Variants in SEC24B observed in about 807,000 individuals in gnomAD.
SEC24B encodes protein transport protein Sec24B.
Under a neutral mutation model 142.8 loss-of-function variants are expected in SEC24B, and 45 were observed. The ratio of observed to expected loss-of-function variants is 0.32; its 90% confidence interval spans 0.25 to 0.40. The LOEUF (loss-of-function observed/expected upper bound fraction) is 0.40. Among genes scored for constraint, SEC24B ranks in the 10% least tolerant of loss-of-function variants. The pLI is 1.00. For missense variants in SEC24B, 1,409 were observed against 1,526.8 expected (o/e 0.92, Z 1.29); for synonymous variants, 574 against 568.2 (o/e 1.01, Z -0.15).
intron 5 of SEC24B, among the ~76,000 whole-genome samples, chr4:109,491,909 T>C (rs1327913539): frequency 6.6e-6 from 1 of 152,154 alleles, no homozygotes; most frequent in Admixed American, 6.5e-5. Flanking sequence ...TACATTCAAG[T>C]ACAGGAGTAG....
At chr4:109,504,743 C>A (rs952775127) in intron 6 of SEC24B, among the ~76,000 whole-genome samples, 1 of 152,126 alleles carries the variant, frequency 6.6e-6, no homozygotes, top group Non-Finnish European at 1.5e-5. Context: ...TAAGCTTTCA[C>A]CTAGTGGCTT....
chr4:109,529,594 G>A (rs960836685), intron 18 of SEC24B, among the ~76,000 whole-genome samples: 1 of 152,138 alleles, frequency 6.6e-6, no homozygotes, highest in Non-Finnish European at 1.5e-5. Flanking sequence ...GGATCACAAG[G>A]TATAATTCAG....
intron 1 of SEC24B, chr4:109,450,750 C>CTTTTT (rs766975065): frequency 8.4e-6 from 1 of 118,598 alleles, no homozygotes. Flanking sequence ...CTGTGCAATT[C>CTTTTT]TTTTTTTTTT....
At chr4:109,536,379 T>C (rs1043983619) in intron 22 of SEC24B, among the ~76,000 whole-genome samples, 1 of 151,864 alleles carries the variant, frequency 6.6e-6, no homozygotes. Flanking sequence ...AGAAAAATAA[T>C]CTTGGGACCA....
At position 109,512,021 on chromosome 4, in the gene SEC24B, C is replaced by T; in HGVS notation, c.1841C>T (p.Pro614Leu). Reference protein sequence around the residue: ...RCRSCRTYINPFVSFIDQRRW... With the variant: ...RCRSCRTYINLFVSFIDQRRW... ...CGATCCTGTCGAACGTATATTAACC[C>T]CTTTGTATCCTTCATTGATCAACGT... Residue 614 changes from proline (P) to leucine (L), a missense_variant, in exon 9 of 24, where the codon CCC becomes CTC. Physicochemically the swap from Pro to Leu is moderately conservative, Grantham distance 98. Transcript: ENST00000265175. 1.2e-6 allele frequency: 2 copies of T among 1,612,996 alleles called. No homozygotes were observed. The highest frequency in any genetic ancestry group is 8.5e-7 in the Non-Finnish European group (1 of 1,179,054).
chr4:109,505,186 A>G (rs1649379032), intron 6 of SEC24B, among the ~76,000 whole-genome samples: 1 of 152,094 alleles, frequency 6.6e-6, no homozygotes, highest in South Asian at 2.1e-4. Flanking sequence ...CTCAAAAACC[A>G]AAAAGATTAA....
chr4:109,472,921 TTATA>T (rs1399766697), intron 2 of SEC24B, 79 bp from the exon 3 acceptor site: 3 of 386,124 alleles, frequency 7.8e-6, no homozygotes, highest in Admixed American at 5.0e-5. Flanking sequence ...ATTATATACA[TTATA>T]TATAGTATTG....
At chr4:109,517,947 G>GTTTATTTATTTA (rs72178897) in intron 11 of SEC24B, among the ~76,000 whole-genome samples, 1 of 133,622 alleles carries the variant, frequency 7.5e-6, no homozygotes, top group Non-Finnish European at 1.6e-5. Context: ...TTGTTTGTTT[G>GTTTATTTATTTA]TTTATTTATT....
chr4:109,504,295 A>G (rs1173065644), intron 6 of SEC24B, among the ~76,000 whole-genome samples: 2 of 152,200 alleles, frequency 1.3e-5, no homozygotes, highest in Non-Finnish European at 2.9e-5. Context: ...GATTTTCCAG[A>G]CTGTTTCAAA....
chr4:109,496,705 A>G (rs1735576373), intron 6 of SEC24B, among the ~76,000 whole-genome samples: 1 of 152,176 alleles, frequency 6.6e-6, no homozygotes, highest in African/African-American at 2.4e-5. Flanking sequence ...CCTTAGAACT[A>G]AAGTACAGAG....
At chr4:109,453,445 C>T (rs1383592522) in intron 1 of SEC24B, among the ~76,000 whole-genome samples, 2 of 35,464 alleles carry the variant, frequency 5.6e-5, no homozygotes, top group Non-Finnish European at 1.0e-4. Context: ...TTTAGGCCCC[C>T]CCCCCCCCCC....
At chr4:109,447,954 T>C (rs1174524198) in intron 1 of SEC24B, among the ~76,000 whole-genome samples, 1 of 152,194 alleles carries the variant, frequency 6.6e-6, no homozygotes, top group Admixed American at 6.5e-5. Context: ...CATTCCTTGG[T>C]CCATGGCCCA....
chr4:109,458,937 A>G (rs1327864044), intron 1 of SEC24B, among the ~76,000 whole-genome samples: 1 of 151,956 alleles, frequency 6.6e-6, no homozygotes, highest in African/African-American at 2.4e-5. Context: ...TTTTTCCTCC[A>G]CAACTTTTAT....
intron 2 of SEC24B, among the ~76,000 whole-genome samples, chr4:109,470,597 T>TA (rs1317036692): frequency 6.6e-6 from 1 of 152,210 alleles, no homozygotes; most frequent in Non-Finnish European, 1.5e-5. Flanking sequence ...GGCACCTATG[T>TA]ATAGAAGCTC....
intron 3 of SEC24B, among the ~76,000 whole-genome samples, chr4:109,476,859 C>T (rs1209717659): frequency 6.6e-6 from 1 of 151,980 alleles, no homozygotes; most frequent in Non-Finnish European, 1.5e-5. Context: ...CAGAGTTGGC[C>T]GGGCGCAGTG....
chr4:109,435,491 G>A (rs1315600355), intron 1 of SEC24B, among the ~76,000 whole-genome samples: 2 of 152,172 alleles, frequency 1.3e-5, no homozygotes, highest in Non-Finnish European at 2.9e-5. Context: ...AGTGATTCAA[G>A]GATTGTGTCT....
intron 4 of SEC24B, among the ~76,000 whole-genome samples, chr4:109,485,247 C>T (rs750358839): frequency 6.6e-6 from 1 of 152,352 alleles, no homozygotes; most frequent in Admixed American, 6.5e-5. Context: ...CTGTTCTTCT[C>T]AACAATTCTG....
intron 1 of SEC24B, among the ~76,000 whole-genome samples, chr4:109,439,626 C>T (rs767342420): frequency 2.7e-5 from 4 of 149,504 alleles, no homozygotes; most frequent in Non-Finnish European, 5.9e-5. Context: ...CTCAGCCTCC[C>T]GAGTAGCTGG....
At chr4:109,532,123 C>T (rs1404841574) in intron 20 of SEC24B, among the ~76,000 whole-genome samples, 8 of 152,154 alleles carry the variant, frequency 5.3e-5, no homozygotes, top group African/African-American at 1.7e-4. Context: ...TCCCAAAGTG[C>T]TGGGTTTACA....
Sources: gnomAD v4.1 joint callset for allele counts (sites outside exome capture counted in the v4.1 genomes callset) on GRCh38, gnomAD v4.1.1 for gene constraint, MANE v1.5 for transcripts, NCBI Gene and HGNC (gene_info 2026-07-23, HGNC 2026-07-21) for gene names.